NELL1: variants seen among roughly 807,000 people sequenced by gnomAD.
NELL1 encodes neural EGFL like 1, also known as protein kinase C-binding protein NELL1.
NELL1 carries 76 observed loss-of-function variants against 107.4 expected under a neutral mutation model. That is an observed-to-expected ratio of 0.71 (90% CI 0.59 to 0.86). NELL1 has a LOEUF of 0.86. Among genes scored for constraint, NELL1 ranks in the 40% least tolerant of loss-of-function variants. NELL1 has a pLI of 0.00. For synonymous variants in NELL1, 353 were observed against 341.2 expected, an observed-to-expected ratio of 1.03 and a Z score of -0.38; for missense variants, 1,024 against 1,005.5, an observed-to-expected ratio of 1.02 and a Z score of -0.25.
At chr11:21,385,278 A>T (rs1243324939) in intron 15 of NELL1, among the ~76,000 whole-genome samples, 1 of 151,844 alleles carries the variant, frequency 6.6e-6, no homozygotes, top group Non-Finnish European at 1.5e-5. Context: ...AGTACCTAGC[A>T]CATAGGAACT....
In NELL1 at chr11:20,885,530, G is replaced by A; in HGVS notation, c.593G>A (p.Gly198Asp). 6.2e-7 allele frequency: 1 copy of A among 1,605,406 alleles called. No individual in the cohort carries two copies. Among genetic ancestry groups the A allele is most frequent in the Non-Finnish European group, 8.5e-7 (1 of 1,172,098 alleles). The change falls in exon 5 of 20, where the codon GGC becomes GAC. Residue 198 changes from glycine to aspartate, a missense_variant. By Grantham distance (94) the Gly-to-Asp change is moderately conservative (BLOSUM62 -1). Transcript: ENST00000357134. ...LWLGQRNQKH[G>D]LFKGIIQDGK... ...CTTGGCCAGCGCAACCAAAAGCATG[G>A]CTTATTCAAAGTAAGCACTAACGTT...
intron 3 of NELL1, among the ~76,000 whole-genome samples, chr11:20,847,165 A>C (rs569730043): frequency 4.3e-4 from 66 of 152,324 alleles, no homozygotes; most frequent in Admixed American, 1.4e-3. Context: ...GATGTCCAAC[A>C]TGACTTCCAT....
At chr11:21,304,407 C>T (rs890615847) in intron 14 of NELL1, among the ~76,000 whole-genome samples, 22 of 151,934 alleles carry the variant, frequency 1.4e-4, no homozygotes, top group Admixed American at 9.9e-4. Flanking sequence ...CCTTTGACTC[C>T]GAAGTCTATT....
intron 3 of NELL1, among the ~76,000 whole-genome samples, chr11:20,830,253 T>A: frequency 6.8e-6 from 1 of 147,142 alleles, no homozygotes; most frequent in Non-Finnish European, 1.5e-5. Flanking sequence ...TGAGACACCA[T>A]CTCAAAAAAA....
chr11:20,866,698 C>G (rs1849101299), intron 4 of NELL1, among the ~76,000 whole-genome samples: 1 of 152,148 alleles, frequency 6.6e-6, no homozygotes, highest in Non-Finnish European at 1.5e-5. Flanking sequence ...GGAGGTGGCA[C>G]CCCCTCTAGC....
At chr11:20,942,114 T>G (rs1169953723) in intron 10 of NELL1, among the ~76,000 whole-genome samples, 1 of 152,238 alleles carries the variant, frequency 6.6e-6, no homozygotes, top group Non-Finnish European at 1.5e-5. Context: ...TTAGAGACTT[T>G]GCAGAAGCAC....
At chr11:21,560,453 A>T in intron 17 of NELL1, 71 bp downstream of exon 17, 1 of 1,314,574 alleles carries the variant, frequency 7.6e-7, no homozygotes, top group Non-Finnish European at 1.0e-6. Flanking sequence ...CTACCTCCCC[A>T]GCTCTCTCCC....
intron 15 of NELL1, among the ~76,000 whole-genome samples, chr11:21,462,792 T>A (rs902143438): frequency 4.6e-5 from 7 of 152,084 alleles, no homozygotes; most frequent in East Asian, 3.9e-4. Context: ...TAAGCAATTG[T>A]GCATATTTCC....
At chr11:21,226,858 G>A (rs755485076) in intron 13 of NELL1, among the ~76,000 whole-genome samples, 31 of 152,190 alleles carry the variant, frequency 2.0e-4, no homozygotes, top group Non-Finnish European at 4.4e-4. Flanking sequence ...GGTGTCTGAA[G>A]CCAGGCAAAG....
At chr11:20,966,815 T>C (rs968417284) in intron 12 of NELL1, among the ~76,000 whole-genome samples, 1 of 152,046 alleles carries the variant, frequency 6.6e-6, no homozygotes, top group African/African-American at 2.4e-5. Context: ...GAAATCTTCT[T>C]AACCATCACC....
At position 21,573,400 on chromosome 11, in the gene NELL1, TA is replaced by T; in HGVS notation, c.2376del (p.Lys792AsnfsTer38). 6.2e-7 allele frequency: 1 copy of T among 1,611,328 alleles called. No individual in the cohort carries two copies. The highest frequency in any genetic ancestry group is 8.5e-7 in the Non-Finnish European group (1 of 1,178,484). ...TMAGSPCTTC[K>X]CKNGRVCCSV... ...TGGCTGGATCTCCCTGCACAACCTG[TA>T]AATGCAAGGTAATTGGATGTTCTGC... On this transcript the variant is annotated frameshift_variant, in exon 19 of 20. Coordinates refer to ENST00000357134, the MANE Select transcript of NELL1 (RefSeq NM_006157.5). LOFTEE classifies it high-confidence loss of function.
intron 15 of NELL1, among the ~76,000 whole-genome samples, chr11:21,480,034 G>A (rs1375881887): frequency 1.3e-5 from 2 of 151,954 alleles, no homozygotes; most frequent in African/African-American, 4.8e-5. Flanking sequence ...TCTTTCTCTT[G>A]CTCAGAAGTA....
At chr11:20,848,209 A>G (rs1254315134) in intron 4 of NELL1, among the ~76,000 whole-genome samples, 1 of 152,194 alleles carries the variant, frequency 6.6e-6, no homozygotes, top group Non-Finnish European at 1.5e-5. Context: ...CTTTGCTTAA[A>G]TATCTTTTCC....
intron 2 of NELL1, among the ~76,000 whole-genome samples, chr11:20,771,695 T>C (rs1463322127): frequency 6.6e-6 from 1 of 152,180 alleles, no homozygotes; most frequent in African/African-American, 2.4e-5. Flanking sequence ...GAAAAATCTA[T>C]CTGGTGCTGT....
chr11:20,980,313 A>G (rs1161831487), intron 12 of NELL1, among the ~76,000 whole-genome samples: 1 of 152,146 alleles, frequency 6.6e-6, no homozygotes, highest in Non-Finnish European at 1.5e-5. Context: ...AGATTTCACA[A>G]TCTTCATTTT....
intron 1 of NELL1, among the ~76,000 whole-genome samples, chr11:20,672,085 C>G (rs1203425300): frequency 6.6e-6 from 1 of 152,162 alleles, no homozygotes; most frequent in African/African-American, 2.4e-5. Context: ...CACACATTAT[C>G]GGAAGAATCA....
At chr11:21,236,471 T>G (rs1858209908) in intron 14 of NELL1, among the ~76,000 whole-genome samples, 1 of 152,234 alleles carries the variant, frequency 6.6e-6, no homozygotes, top group African/African-American at 2.4e-5. Flanking sequence ...CAAATTTTTA[T>G]GTATTACATA....
chr11:20,860,205 T>C (rs1423915527), intron 4 of NELL1, among the ~76,000 whole-genome samples: 1 of 152,246 alleles, frequency 6.6e-6, no homozygotes, highest in Admixed American at 6.5e-5. Context: ...TCTTGTGTTT[T>C]ACACTTTTAC....
At chr11:20,935,225 A>G (rs1415511464) in intron 9 of NELL1, among the ~76,000 whole-genome samples, 3 of 152,156 alleles carry the variant, frequency 2.0e-5, no homozygotes, top group Non-Finnish European at 4.4e-5. Context: ...CATGTGATAT[A>G]TATTCTGTTG....
Sources: gnomAD v4.1 joint callset for allele counts (sites outside exome capture counted in the v4.1 genomes callset) on GRCh38, gnomAD v4.1.1 for gene constraint, MANE v1.5 for transcripts, NCBI Gene and HGNC (gene_info 2026-07-23, HGNC 2026-07-21) for gene names.